The following ZFR2 variants were observed in gnomAD, a reference collection of about 807,000 sequenced individuals.
ZFR2 encodes the protein zinc finger RNA binding protein 2.
Under a neutral mutation model 105.7 loss-of-function variants are expected in ZFR2, and 104 were observed. That is an observed-to-expected ratio of 0.98 (90% CI 0.84 to 1.16). The LOEUF is 1.16. Among genes scored for constraint, ZFR2 ranks in the 50% most tolerant of loss-of-function variants. ZFR2 has a pLI of 0.00. For synonymous variants in ZFR2, 634 were observed against 597.7 expected (o/e 1.06, Z -0.89); for missense variants, 1,425 against 1,355.5 (o/e 1.05, Z -0.80).
intron 16 of ZFR2, 135 bp from the exon 17 acceptor site, chr19:3,809,118 G>A (rs563095536): frequency 4.1e-5 from 25 of 605,550 alleles, no homozygotes; most frequent in African/African-American, 2.5e-4. Flanking sequence ...CTGAACTTCC[G>A]CCGAGGAGGG....
At chr19:3,846,158 A>G (rs1003851821) in intron 1 of ZFR2, among the ~76,000 whole-genome samples, 2 of 152,148 alleles carry the variant, frequency 1.3e-5, no homozygotes, top group Non-Finnish European at 2.9e-5. Context: ...TGTATTTTTA[A>G]TAAAGACGGG....
chr19:3,820,905 CGGGGG>C (rs1568420789), intron 10 of ZFR2, among the ~76,000 whole-genome samples: 5 of 76,086 alleles, frequency 6.6e-5, no homozygotes, highest in African/African-American at 2.6e-4. Flanking sequence ...CACTAGAGGT[CGGGGG>C]ACACAGGGAC....
At chr19:3,824,699 T>G (rs1391414554) in intron 7 of ZFR2, among the ~76,000 whole-genome samples, 2 of 152,152 alleles carry the variant, frequency 1.3e-5, no homozygotes, top group Admixed American at 1.3e-4. Flanking sequence ...CACTTTGGAA[T>G]GCCGAGGCTG....
intron 17 of ZFR2, among the ~76,000 whole-genome samples, chr19:3,807,647 ATGTGTGCCCGTGTGTGCACCCATGTCGG>A (rs745788265): frequency 8.7e-5 from 13 of 149,774 alleles, no homozygotes; most frequent in Non-Finnish European, 1.6e-4. Flanking sequence ...CTGTGTGTGC[ATGTGTGCCCGTGTGTGCACCCATGTCGG>A]TGTGTGCTTG....
intron 2 of ZFR2, among the ~76,000 whole-genome samples, 176 bp from the exon 3 acceptor site, chr19:3,833,954 G>C (rs887183435): frequency 1.1e-4 from 16 of 152,232 alleles, no homozygotes; most frequent in African/African-American, 3.9e-4. Context: ...GGGGCAGGGG[G>C]CAGGGGGCAG....
rs1568421030 is a variant in ZFR2 at position 3,821,332 on chromosome 19, C to CAA, written c.1631+7_1631+8insTT. On this transcript the variant is annotated splice_region_variant and intron_variant, in intron 10 of 18. Coordinates refer to ENST00000262961, the MANE Select transcript of ZFR2 (RefSeq NM_015174.2). ...CAGGCCCCCTTGCCAAGACCCGCAG[C>CAA]CGGGCACCTCCTCTCCGCGTGCCAG... 2.5e-6 allele frequency: 4 copies of CAA among 1,579,250 alleles called. No homozygotes were observed. The highest frequency in any genetic ancestry group is 3.4e-6 in the Non-Finnish European group (4 of 1,166,552).
intron 11 of ZFR2, 131 bp downstream of exon 11, chr19:3,820,051 T>G: frequency 1.2e-6 from 1 of 867,690 alleles, no homozygotes; most frequent in Non-Finnish European, 1.8e-6. Flanking sequence ...TGAGGAGGCC[T>G]GGGCCATGGA....
intron 1 of ZFR2, chr19:3,855,479 T>C (rs17810048): frequency 0.29 from 355,868 of 1,228,478 alleles, 53,854 homozygotes; most frequent in Admixed American, 0.35. Context: ...TCCTGGGTGC[T>C]AGTGGGGACC....
chr19:3,864,842 G>C (rs1426360106), intron 1 of ZFR2, among the ~76,000 whole-genome samples: 1 of 151,992 alleles, frequency 6.6e-6, no homozygotes, highest in Non-Finnish European at 1.5e-5. Context: ...CCACCTCCCG[G>C]GTTCAAGCAA....
chr19:3,806,148 C>T, intron 18 of ZFR2, 23 bp from the exon 19 acceptor site: 1 of 1,409,234 alleles, frequency 7.1e-7, no homozygotes, highest in Non-Finnish European at 9.2e-7. Context: ...CACAGCCTGT[C>T]AGGACCCCCG....
chr19:3,829,515 G>C (rs1388973285), intron 5 of ZFR2, among the ~76,000 whole-genome samples: 1 of 151,186 alleles, frequency 6.6e-6, no homozygotes, highest in African/African-American at 2.4e-5. Context: ...TTTTTGGGGG[G>C]TTTTGTTTTT....
chr19:3,836,797 T>C (rs2038079649), intron 1 of ZFR2, among the ~76,000 whole-genome samples: 1 of 152,180 alleles, frequency 6.6e-6, no homozygotes, highest in Admixed American at 6.6e-5. Context: ...GACCCAGATC[T>C]TTCTGACCCC....
At chr19:3,866,102 A>G (rs1308346690) in intron 1 of ZFR2, among the ~76,000 whole-genome samples, 1 of 152,162 alleles carries the variant, frequency 6.6e-6, no homozygotes, top group Non-Finnish European at 1.5e-5. Context: ...TCGGCCTCCC[A>G]AAGTGCTGGG....
chr19:3,835,797 A>C (rs920799588), intron 1 of ZFR2, among the ~76,000 whole-genome samples: 11 of 151,956 alleles, frequency 7.2e-5, no homozygotes, highest in Non-Finnish European at 1.3e-4. Context: ...TTAAAAAAAA[A>C]CAAACAATTA....
intron 5 of ZFR2, among the ~76,000 whole-genome samples, 185 bp downstream of exon 5, chr19:3,831,114 TACAC>T (rs1394322409): frequency 6.8e-6 from 1 of 147,442 alleles, no homozygotes; most frequent in African/African-American, 2.5e-5. Context: ...CACGCACACA[TACAC>T]ACTCACACTT....
At chr19:3,831,963 T>A (rs1322858816) in intron 3 of ZFR2, 85 bp from the exon 4 acceptor site, 3 of 1,185,234 alleles carry the variant, frequency 2.5e-6, no homozygotes, top group Non-Finnish European at 3.4e-6. Flanking sequence ...CTCAACTGGC[T>A]GGAACACGCT....
chr19:3,815,075 T>C (rs1316008091), intron 13 of ZFR2, among the ~76,000 whole-genome samples: 1 of 151,988 alleles, frequency 6.6e-6, no homozygotes, highest in African/African-American at 2.4e-5. Context: ...CTCTGGGGAC[T>C]GATTTTTCAT....
chr19:3,855,749 C>G (rs1035231264), intron 1 of ZFR2, among the ~76,000 whole-genome samples: 1 of 152,074 alleles, frequency 6.6e-6, no homozygotes, highest in African/African-American at 2.4e-5. Context: ...CAGGGCAGCG[C>G]ATTTGAGCAG....
intron 1 of ZFR2, among the ~76,000 whole-genome samples, chr19:3,859,317 G>A (rs752973881): frequency 2.6e-5 from 4 of 152,330 alleles, no homozygotes; most frequent in African/African-American, 9.6e-5. Flanking sequence ...ACAGACTGAC[G>A]GCTGTGCTGT....
Sources: gnomAD v4.1 joint callset for allele counts (sites outside exome capture counted in the v4.1 genomes callset) on GRCh38, gnomAD v4.1.1 for gene constraint, MANE v1.5 for transcripts, NCBI Gene and HGNC (gene_info 2026-07-23, HGNC 2026-07-21) for gene names.